CNTNAP5: variants seen among roughly 807,000 people sequenced by gnomAD.
CNTNAP5 encodes the protein contactin-associated protein-like 5.
A neutral mutation model predicts 150.2 loss-of-function variants in CNTNAP5; 72 were observed. That is an observed-to-expected ratio of 0.48 (90% confidence interval 0.40 to 0.58). CNTNAP5 has a LOEUF of 0.58. Among genes scored for constraint, CNTNAP5 ranks in the 20% least tolerant of loss-of-function variants. CNTNAP5 has a pLI of 0.00. For missense variants in CNTNAP5, 1,636 were observed against 1,626.2 expected, an observed-to-expected ratio of 1.01 and a Z score of -0.10; for synonymous variants, 672 against 619.8, an observed-to-expected ratio of 1.08 and a Z score of -1.25.
At chr2:124,200,601 A>C (rs1209972564) in intron 1 of CNTNAP5, among the ~76,000 whole-genome samples, 1 of 152,242 alleles carries the variant, frequency 6.6e-6, no homozygotes, top group African/African-American at 2.4e-5. Flanking sequence ...TATTCACTAA[A>C]GTCACAATGT....
chr2:124,068,898 C>T (rs925091265), intron 1 of CNTNAP5, among the ~76,000 whole-genome samples: 1 of 151,956 alleles, frequency 6.6e-6, no homozygotes, highest in East Asian at 1.9e-4. Context: ...TCATCACCTG[C>T]TGATTAAAGA....
intron 13 of CNTNAP5, among the ~76,000 whole-genome samples, chr2:124,711,116 C>T (rs540070454): frequency 6.6e-6 from 1 of 151,884 alleles, no homozygotes; most frequent in East Asian, 2.0e-4. Flanking sequence ...ACTCAAAATA[C>T]ACAAATTAGC....
chr2:124,242,549 G>C, intron 3 of CNTNAP5, 156 bp downstream of exon 3: 1 of 681,368 alleles, frequency 1.5e-6, no homozygotes, highest in Admixed American at 2.9e-5. Context: ...GCCCATGCCC[G>C]GCATGGTTCT....
intron 3 of CNTNAP5, among the ~76,000 whole-genome samples, chr2:124,348,650 ATC>A (rs1689798009): frequency 6.6e-6 from 1 of 152,322 alleles, no homozygotes; most frequent in South Asian, 2.1e-4. Context: ...CATCAGTAAC[ATC>A]CAATTTGGCA....
At chr2:124,450,137 G>T (rs185856274) in intron 6 of CNTNAP5, among the ~76,000 whole-genome samples, 3 of 152,050 alleles carry the variant, frequency 2.0e-5, no homozygotes, top group Non-Finnish European at 4.4e-5. Context: ...CACAAATGAG[G>T]CCTGGACATC....
chr2:124,718,721 A>G (rs1036225058), intron 13 of CNTNAP5, among the ~76,000 whole-genome samples: 6 of 152,096 alleles, frequency 3.9e-5, no homozygotes, highest in African/African-American at 1.4e-4. Flanking sequence ...AAGCGAGCAG[A>G]TCACGAGGTC....
At chr2:124,636,209 C>T (rs1677965364) in intron 12 of CNTNAP5, among the ~76,000 whole-genome samples, 1 of 152,134 alleles carries the variant, frequency 6.6e-6, no homozygotes, top group South Asian at 2.1e-4. Flanking sequence ...AGTTGAGTTA[C>T]CCAGCCTCCT....
Position 124,914,198 on chromosome 2 carries a change from G to A in CNTNAP5, c.3834G>A (p.Lys1278=), listed in dbSNP as rs773483783. Residue 1278 remains lysine, a synonymous_variant, in exon 24 of 24, where the codon AAG becomes AAA. Coordinates refer to ENST00000682447, the MANE Select transcript of CNTNAP5 (RefSeq NM_001367498.1). ...ATCGTACGAGCCAGATGAAGGAGAA[G>A]GAATATCCAGAAAATTTGGACAGTT... ...QSHRTSQMKE[K]EYPENLDSSF... is the part of the protein sequence containing the mutation. 6.2e-7 allele frequency: 1 copy of A among 1,612,536 alleles called. No homozygotes were observed. The highest frequency in any genetic ancestry group is 1.1e-5 in the South Asian group (1 of 91,044).
At chr2:124,745,522 T>C (rs573217333) in intron 13 of CNTNAP5, among the ~76,000 whole-genome samples, 1 of 152,336 alleles carries the variant, frequency 6.6e-6, no homozygotes, top group Admixed American at 6.5e-5. Context: ...CTGCCAGTCC[T>C]CTAGGCCAGG....
intron 1 of CNTNAP5, among the ~76,000 whole-genome samples, chr2:124,151,815 T>G (rs2104634924): frequency 6.6e-6 from 1 of 152,322 alleles, no homozygotes; most frequent in African/African-American, 2.4e-5. Flanking sequence ...TAACAACTAC[T>G]ATTAGTTTAG....
intron 11 of CNTNAP5, among the ~76,000 whole-genome samples, chr2:124,598,665 G>A (rs1696895028): frequency 6.6e-6 from 1 of 151,406 alleles, no homozygotes; most frequent in South Asian, 2.1e-4. Flanking sequence ...GCTGTGGTGG[G>A]CTCCACCCAG....
At chr2:124,611,273 G>C (rs1453831519) in intron 12 of CNTNAP5, among the ~76,000 whole-genome samples, 1 of 152,166 alleles carries the variant, frequency 6.6e-6, no homozygotes, top group Admixed American at 6.5e-5. Flanking sequence ...CTACCGTGAG[G>C]TATCTCCAGC....
chr2:124,870,773 C>T (rs1056895908), intron 21 of CNTNAP5, among the ~76,000 whole-genome samples: 1 of 151,988 alleles, frequency 6.6e-6, no homozygotes, highest in African/African-American at 2.4e-5. Flanking sequence ...TTCCTCGTGC[C>T]CCATACTGTA....
At chr2:124,449,272 T>C (rs1489533140) in intron 6 of CNTNAP5, among the ~76,000 whole-genome samples, 5 of 152,194 alleles carry the variant, frequency 3.3e-5, no homozygotes, top group Non-Finnish European at 7.3e-5. Context: ...TGTCAACTTG[T>C]TTAATTGATT....
intron 1 of CNTNAP5, among the ~76,000 whole-genome samples, chr2:124,218,806 T>A (rs1475735436): frequency 6.6e-6 from 1 of 152,150 alleles, no homozygotes; most frequent in Non-Finnish European, 1.5e-5. Context: ...GAGTCTGGAC[T>A]GATAGATACC....
At chr2:124,621,733 C>A (rs138261598) in intron 12 of CNTNAP5, among the ~76,000 whole-genome samples, 4 of 152,218 alleles carry the variant, frequency 2.6e-5, no homozygotes, top group Admixed American at 1.3e-4. Context: ...CCCAGGTCTG[C>A]CAGTGTAGGG....
intron 9 of CNTNAP5, among the ~76,000 whole-genome samples, chr2:124,525,614 C>T (rs1218045959): frequency 1.3e-5 from 2 of 152,108 alleles, no homozygotes; most frequent in Non-Finnish European, 2.9e-5. Context: ...GTGTACATAT[C>T]GAGGTCTCCT....
chr2:124,832,238 A>C (rs558950839), intron 19 of CNTNAP5, among the ~76,000 whole-genome samples: 1 of 152,232 alleles, frequency 6.6e-6, no homozygotes, highest in African/African-American at 2.4e-5. Flanking sequence ...TTATTTATTA[A>C]GGATTTTCTT....
chr2:124,079,814 G>T (rs1033057895), intron 1 of CNTNAP5, among the ~76,000 whole-genome samples: 1 of 152,118 alleles, frequency 6.6e-6, no homozygotes, highest in African/African-American at 2.4e-5. Context: ...CTGACAAATA[G>T]GTTCAAAATG....
Sources: gnomAD v4.1 joint callset for allele counts (sites outside exome capture counted in the v4.1 genomes callset) on GRCh38, gnomAD v4.1.1 for gene constraint, MANE v1.5 for transcripts, NCBI Gene and HGNC (gene_info 2026-07-23, HGNC 2026-07-21) for gene names.